MAPK4: variants seen among roughly 807,000 people sequenced by gnomAD.
MAPK4 encodes the protein Erk3-related.
MAPK4 carries 22 observed loss-of-function variants against 47.7 expected under a neutral mutation model. That is an observed-to-expected ratio of 0.46 (90% CI 0.33 to 0.66). The LOEUF is 0.66. Ranked by LOEUF, MAPK4 falls within the 30% of genes least tolerant of loss-of-function variation. MAPK4 has a pLI of 0.02. For synonymous variants in MAPK4, 390 were observed against 365.7 expected, an observed-to-expected ratio of 1.07 and a Z score of -0.76; for missense variants, 736 against 831.7, an observed-to-expected ratio of 0.88 and a Z score of 1.42.
intron 1 of MAPK4, among the ~76,000 whole-genome samples, chr18:50,647,434 C>T (rs139977089): frequency 3.2e-4 from 49 of 152,192 alleles, no homozygotes; most frequent in Middle Eastern, 6.8e-3. Context: ...TTTGTCAGTG[C>T]GATGATCTGA....
chr18:50,608,637 C>T (rs905994874), intron 1 of MAPK4, among the ~76,000 whole-genome samples: 6 of 152,224 alleles, frequency 3.9e-5, no homozygotes, highest in Non-Finnish European at 8.8e-5. Context: ...GCTTGCCAGA[C>T]ATTATACTGC....
intron 2 of MAPK4, among the ~76,000 whole-genome samples, chr18:50,696,034 G>A (rs920019139): frequency 1.3e-5 from 2 of 151,812 alleles, no homozygotes; most frequent in African/African-American, 2.4e-5. Flanking sequence ...GTACTCAAGG[G>A]ATCCTCATCT....
chr18:50,715,203 C>T lies in MAPK4; in HGVS notation c.671C>T (p.Thr224Met), dbSNP rs201585776. The T allele has an allele frequency of 1.3e-4, 210 of 1,613,954 alleles. No homozygotes were observed. The highest frequency in any genetic ancestry group is 3.0e-4 in the South Asian group (27 of 91,050). ...GGCTGCATCCTGGCTGAGATGCTTACGGGGAGAATGCTCTTTGCTGGTGAG... is the reference window on the plus strand; with the variant it reads ...GGCTGCATCCTGGCTGAGATGCTTATGGGGAGAATGCTCTTTGCTGGTGAG... ...AAGCILAEML[T>M]GRMLFAGAHE... Residue 224 changes from threonine to methionine, a missense_variant, in exon 3 of 6, where the codon ACG becomes ATG. By Grantham distance (81) the Thr-to-Met change is moderately conservative. This residue lies in a region of MAPK4 where 327 missense variants were observed against 395.4 expected (regional missense o/e 0.83). Coordinates refer to ENST00000400384, the MANE Select transcript of MAPK4 (RefSeq NM_002747.4).
intron 1 of MAPK4, among the ~76,000 whole-genome samples, chr18:50,575,227 G>T (rs1347896974): frequency 6.6e-6 from 1 of 152,160 alleles, no homozygotes; most frequent in Non-Finnish European, 1.5e-5. Context: ...GAGGATGCAG[G>T]GTTCAAGGTG....
intron 1 of MAPK4, among the ~76,000 whole-genome samples, chr18:50,602,910 C>T (rs567893598): frequency 6.6e-6 from 1 of 152,260 alleles, no homozygotes; most frequent in Admixed American, 6.5e-5. Context: ...ATATTGCAGC[C>T]TCCTCAGATG....
At chr18:50,642,631 G>A (rs1249418498) in intron 1 of MAPK4, among the ~76,000 whole-genome samples, 1 of 152,160 alleles carries the variant, frequency 6.6e-6, no homozygotes, top group Non-Finnish European at 1.5e-5. Context: ...TTAACCACAG[G>A]GGGACCATCT....
chr18:50,610,208 G>A (rs2042620252), intron 1 of MAPK4, among the ~76,000 whole-genome samples: 1 of 152,212 alleles, frequency 6.6e-6, no homozygotes, highest in African/African-American at 2.4e-5. Flanking sequence ...ACCACAGGAA[G>A]CAGCCGCCAC....
chr18:50,723,457 CAG>C (rs1217085189), intron 4 of MAPK4, among the ~76,000 whole-genome samples: 1 of 152,178 alleles, frequency 6.6e-6, no homozygotes, highest in East Asian at 1.9e-4. Flanking sequence ...TGCCTTGAAA[CAG>C]AAGAGGGGAA....
chr18:50,633,133 A>C (rs17662516), intron 1 of MAPK4, among the ~76,000 whole-genome samples: 1 of 152,120 alleles, frequency 6.6e-6, no homozygotes, highest in African/African-American at 2.4e-5. Flanking sequence ...GCAGGGAAGA[A>C]TCAGCACAGC....
intron 1 of MAPK4, among the ~76,000 whole-genome samples, chr18:50,608,564 T>C (rs1192044811): frequency 6.6e-6 from 1 of 152,156 alleles, no homozygotes; most frequent in East Asian, 1.9e-4. Context: ...AAAAGAGAGA[T>C]TTTGGGGGCC....
chr18:50,616,314 G>A (rs2042684167), intron 1 of MAPK4, among the ~76,000 whole-genome samples: 1 of 152,162 alleles, frequency 6.6e-6, no homozygotes. Flanking sequence ...AGCTTCTGTG[G>A]CACCTCAGGC....
At chr18:50,628,383 G>A (rs2042800061) in intron 1 of MAPK4, among the ~76,000 whole-genome samples, 1 of 152,150 alleles carries the variant, frequency 6.6e-6, no homozygotes, top group African/African-American at 2.4e-5. Flanking sequence ...TCGCCTCCCT[G>A]GGGCCTGGGT....
At chr18:50,728,565 G>A (rs769317514) in intron 5 of MAPK4, among the ~76,000 whole-genome samples, 21 of 152,176 alleles carry the variant, frequency 1.4e-4, no homozygotes, top group Non-Finnish European at 2.9e-4. Flanking sequence ...AGAATTGGTG[G>A]GGGGAAGCAG....
intron 2 of MAPK4, among the ~76,000 whole-genome samples, chr18:50,665,961 A>T (rs936680743): frequency 6.6e-6 from 1 of 152,094 alleles, no homozygotes; most frequent in Non-Finnish European, 1.5e-5. Context: ...AGGAGCAATG[A>T]CTCCAAACCA....
intron 2 of MAPK4, among the ~76,000 whole-genome samples, chr18:50,680,227 G>T (rs1908515798): frequency 6.6e-6 from 1 of 151,286 alleles, no homozygotes; most frequent in African/African-American, 2.4e-5. Flanking sequence ...AAGTAGCTGG[G>T]ATTACAGGTG....
At chr18:50,728,377 C>A (rs535764970) in intron 5 of MAPK4, among the ~76,000 whole-genome samples, 4 of 152,338 alleles carry the variant, frequency 2.6e-5, no homozygotes, top group Admixed American at 1.3e-4. Flanking sequence ...TTCAGCTTCT[C>A]TGGAGGGTGT....
intron 1 of MAPK4, among the ~76,000 whole-genome samples, chr18:50,661,899 C>A (rs937622989): frequency 3.9e-5 from 6 of 152,190 alleles, no homozygotes; most frequent in Non-Finnish European, 7.3e-5. Context: ...GAATGTTTAA[C>A]TAAACAGCAA....
intron 1 of MAPK4, among the ~76,000 whole-genome samples, chr18:50,651,604 A>G (rs2043049832): frequency 6.6e-6 from 1 of 152,176 alleles, no homozygotes; most frequent in South Asian, 2.1e-4. Flanking sequence ...GGGTTTCATA[A>G]TCTTTCCATG....
intron 2 of MAPK4, among the ~76,000 whole-genome samples, chr18:50,670,434 G>T (rs1328455799): frequency 6.6e-6 from 1 of 151,948 alleles, no homozygotes; most frequent in Non-Finnish European, 1.5e-5. Context: ...TCCATGCTTT[G>T]CCTCCATATC....
Sources: gnomAD v4.1 joint callset for allele counts (sites outside exome capture counted in the v4.1 genomes callset) on GRCh38, gnomAD v4.1.1 for gene constraint, gnomAD v4.1.1 regional missense constraint, MANE v1.5 for transcripts, NCBI Gene and HGNC (gene_info 2026-07-23, HGNC 2026-07-21) for gene names.